SPAST: variants seen among roughly 807,000 people sequenced by gnomAD.
The protein encoded by SPAST is spastic paraplegia 4 (autosomal dominant; spastin).
Under a neutral mutation model 76.6 loss-of-function variants are expected in SPAST, and 30 were observed. That is an observed-to-expected ratio of 0.39 (90% CI 0.29 to 0.53). SPAST has a LOEUF of 0.53. Among genes scored for constraint, SPAST ranks in the 20% least tolerant of loss-of-function variants. SPAST has a pLI of 0.68. For synonymous variants in SPAST, 305 were observed against 281.0 expected, an observed-to-expected ratio of 1.09 and a Z score of -0.86; for missense variants, 717 against 770.5, an observed-to-expected ratio of 0.93 and a Z score of 0.82.
chr2:32,078,322 G>A (rs1354752798), intron 1 of SPAST, among the ~76,000 whole-genome samples: 4 of 152,130 alleles, frequency 2.6e-5, no homozygotes, highest in Non-Finnish European at 4.4e-5. Context: ...ACAGGCATGT[G>A]CCACCATGCC....
intron 4 of SPAST, among the ~76,000 whole-genome samples, chr2:32,100,969 T>C (rs1457919104): frequency 6.6e-6 from 1 of 152,236 alleles, no homozygotes; most frequent in Non-Finnish European, 1.5e-5. Flanking sequence ...CCTTTGGGTA[T>C]ATACCCAGTA....
chr2:32,112,947 G>A lies in SPAST; in HGVS notation c.683-1691G>A, dbSNP rs147662783. Among the ~76,000 whole-genome samples the A allele has an allele frequency of 5.1e-3, 775 of 152,060 alleles. 5 individuals carry two copies. The highest frequency in any genetic ancestry group is 0.017 in the African/African-American group (714 of 41,476). ...CGTAGTATGTAAAAATATTATTTAG[G>A]AGTGGTGAGATTTAAACATTTACAA... On this transcript the variant is annotated intron_variant, in intron 4 of 16. Transcript: ENST00000315285.
At chr2:32,080,989 G>A (rs922805091) in intron 1 of SPAST, among the ~76,000 whole-genome samples, 3 of 147,072 alleles carry the variant, frequency 2.0e-5, no homozygotes, top group Non-Finnish European at 3.0e-5. Context: ...ACAGAGTTTC[G>A]CTCTTGTCAC....
intron 1 of SPAST, among the ~76,000 whole-genome samples, chr2:32,065,444 A>G (rs368449453): frequency 1.1e-4 from 16 of 152,340 alleles, no homozygotes; most frequent in African/African-American, 3.8e-4. Context: ...AATCCTCACA[A>G]TAACTTTGTG....
intron 1 of SPAST, among the ~76,000 whole-genome samples, chr2:32,082,571 C>G (rs1677281752): frequency 6.6e-6 from 1 of 152,120 alleles, no homozygotes; most frequent in South Asian, 2.1e-4. Context: ...TGGCACGTGC[C>G]TTTCATCCCA....
At chr2:32,113,732 A>G (rs982257366) in intron 4 of SPAST, among the ~76,000 whole-genome samples, 9 of 149,410 alleles carry the variant, frequency 6.0e-5, no homozygotes, top group Non-Finnish European at 1.2e-4. Context: ...CGTCTGACTG[A>G]TTTTTTGTAT....
At chr2:32,090,645 G>A (rs896502691) in intron 3 of SPAST, among the ~76,000 whole-genome samples, 2 of 151,996 alleles carry the variant, frequency 1.3e-5, no homozygotes, top group Non-Finnish European at 2.9e-5. Flanking sequence ...AAAAAGATCC[G>A]TATGTCTCTT....
At chr2:32,108,723 T>A (rs1205449182) in intron 4 of SPAST, among the ~76,000 whole-genome samples, 2 of 150,874 alleles carry the variant, frequency 1.3e-5, no homozygotes, top group East Asian at 3.9e-4. Context: ...AGTGTTGGGA[T>A]TATAGGTGTG....
At chr2:32,139,931 G>T (rs1163058583) in intron 12 of SPAST, among the ~76,000 whole-genome samples, 2 of 151,272 alleles carry the variant, frequency 1.3e-5, no homozygotes, top group Admixed American at 1.3e-4. Context: ...GAAGTGTAAA[G>T]CACTGCTAAA....
chr2:32,126,736 C>G (rs1169269522), intron 7 of SPAST: 1 of 505,476 alleles, frequency 2.0e-6, no homozygotes, highest in Non-Finnish European at 3.5e-6. Context: ...ATCCTCCTGT[C>G]TTTGCCCCCT....
At chr2:32,104,471 T>C (rs576015926) in intron 4 of SPAST, among the ~76,000 whole-genome samples, 1 of 152,200 alleles carries the variant, frequency 6.6e-6, no homozygotes, top group Non-Finnish European at 1.5e-5. Context: ...AATATTGTTA[T>C]GTTTGAATTT....
chr2:32,113,676 CTG>C (rs1452871560), intron 4 of SPAST, among the ~76,000 whole-genome samples: 1 of 149,796 alleles, frequency 6.7e-6, no homozygotes, highest in Non-Finnish European at 1.5e-5. Flanking sequence ...AGTGATTCTC[CTG>C]CCTCAGCCTC....
intron 16 of SPAST, among the ~76,000 whole-genome samples, chr2:32,150,774 A>AT (rs1196277507): frequency 6.6e-6 from 1 of 152,072 alleles, no homozygotes; most frequent in Non-Finnish European, 1.5e-5. Context: ...TTTATCCACC[A>AT]TTTTTTAAAA....
chr2:32,136,935 C>T lies in SPAST; in HGVS notation c.1380C>T (p.Arg460=). 1 of 1,613,610 alleles carries T rather than the reference C, an allele frequency of 6.2e-7. No individual in the cohort carries two copies. Among genetic ancestry groups the T allele is most frequent in the Non-Finnish European group, 8.5e-7 (1 of 1,179,712 alleles). Reference sequence around the variant, plus strand: ...AAGGGGAGCACGATGCTAGTAGACGCCTAAAAACTGAATTTCTAATAGAAT... The same window carrying T: ...AAGGGGAGCACGATGCTAGTAGACGTCTAAAAACTGAATTTCTAATAGAAT... ...RREGEHDASR[R]LKTEFLIEFD... The change falls in exon 11 of 17, where the codon CGC becomes CGT. Residue 460 remains arginine (R), a synonymous_variant. Coordinates refer to ENST00000315285, the MANE Select transcript of SPAST (RefSeq NM_014946.4).
intron 1 of SPAST, among the ~76,000 whole-genome samples, chr2:32,069,205 T>TC (rs1219377819): frequency 2.1e-5 from 3 of 143,402 alleles, no homozygotes; most frequent in Non-Finnish European, 4.6e-5. Flanking sequence ...AGAGCAAGAC[T>TC]CCATCTCTCA....
In SPAST at chr2:32,063,637, G is replaced by T. The variant is rs536851325; in HGVS notation, c.-195G>T. 7 of 653,256 alleles carry T rather than the reference G, an allele frequency of 1.1e-5. No homozygotes were observed. The highest frequency in any genetic ancestry group is 1.8e-5 in the Non-Finnish European group (7 of 397,970). The allele number at this position is 653,256 out of a possible 1,614,324, so 40.5% of individuals were successfully genotyped here. A position where few individuals can be genotyped will look rare whatever the true frequency, so the allele number is the denominator to read the frequency against. On this transcript the variant is annotated 5_prime_UTR_variant, in exon 1 of 17. Coordinates refer to ENST00000315285, the MANE Select transcript of SPAST (RefSeq NM_014946.4). ...GCCCGAGCCACCGACTGCAGGAGGA[G>T]AAGGGGTTGTGCTCCTGGCCGAGGA...
At chr2:32,083,673 A>G (rs1213143947) in intron 1 of SPAST, among the ~76,000 whole-genome samples, 1 of 119,720 alleles carries the variant, frequency 8.4e-6, no homozygotes, top group Non-Finnish European at 1.7e-5. Context: ...ATATATATAT[A>G]TATTTTTATG....
At chr2:32,082,306 A>T (rs1460044175) in intron 1 of SPAST, among the ~76,000 whole-genome samples, 1 of 151,748 alleles carries the variant, frequency 6.6e-6, no homozygotes, top group African/African-American at 2.4e-5. Flanking sequence ...GTTCTCTTCT[A>T]ATCTTACTAT....
intron 4 of SPAST, among the ~76,000 whole-genome samples, chr2:32,108,308 CT>C (rs1012971575): frequency 2.0e-5 from 3 of 152,136 alleles, no homozygotes; most frequent in Non-Finnish European, 4.4e-5. Flanking sequence ...GATTCAGTGA[CT>C]TTGAATGCAG....
Sources: allele counts gnomAD v4.1 joint callset (sites outside exome capture counted in the v4.1 genomes callset), GRCh38; gene constraint gnomAD v4.1.1; transcripts MANE v1.5; gene names NCBI Gene and HGNC (gene_info 2026-07-23, HGNC 2026-07-21).